CELF4: variants seen among roughly 807,000 people sequenced by gnomAD.
CELF4 encodes CUGBP Elav-like family member 4.
In CELF4, 18 loss-of-function variants were observed where a neutral mutation model predicts 59.9. The observed-to-expected ratio is 0.30, with a 90% CI of 0.21 to 0.45. The LOEUF is 0.45. Among genes scored for constraint, CELF4 ranks in the 20% least tolerant of loss-of-function variants. The pLI is 1.00. For missense variants in CELF4, 456 were observed against 689.0 expected (o/e 0.66, Z 3.79); for synonymous variants, 261 against 267.1 (o/e 0.98, Z 0.22).
chr18:37,353,032 T>G (rs375048232), intron 2 of CELF4, among the ~76,000 whole-genome samples: 1 of 151,896 alleles, frequency 6.6e-6, no homozygotes, highest in Non-Finnish European at 1.5e-5. Context: ...CCATCCTGGC[T>G]AACACGGTGA....
chr18:37,518,258 G>T (rs1027293875), intron 1 of CELF4, among the ~76,000 whole-genome samples: 1 of 152,148 alleles, frequency 6.6e-6, no homozygotes, highest in Non-Finnish European at 1.5e-5. Flanking sequence ...TAAGATAAAT[G>T]AAGAAGAGTT....
At chr18:37,522,448 G>A (rs1296499369) in intron 1 of CELF4, among the ~76,000 whole-genome samples, 1 of 152,068 alleles carries the variant, frequency 6.6e-6, no homozygotes, top group Non-Finnish European at 1.5e-5. Flanking sequence ...CTGTCTCTAA[G>A]GGGAAAATGT....
At chr18:37,266,944 G>C (rs369621417) in intron 8 of CELF4, among the ~76,000 whole-genome samples, 3 of 151,992 alleles carry the variant, frequency 2.0e-5, no homozygotes, top group African/African-American at 7.2e-5. Flanking sequence ...TGGTGGGGGG[G>C]GACACACAAG....
chr18:37,485,686 A>G (rs2099879743), intron 1 of CELF4, 79 bp from the exon 2 acceptor site: 4 of 904,236 alleles, frequency 4.4e-6, no homozygotes, highest in East Asian at 6.8e-5. Context: ...CCCGCCCTCC[A>G]GGCTCCCGCC....
intron 3 of CELF4, among the ~76,000 whole-genome samples, chr18:37,315,287 G>C (rs903570402): frequency 6.6e-6 from 1 of 152,150 alleles, no homozygotes; most frequent in Non-Finnish European, 1.5e-5. Context: ...GACAGACAGA[G>C]ACAGAGGCAG....
intron 1 of CELF4, among the ~76,000 whole-genome samples, chr18:37,505,641 G>T (rs1270723959): frequency 1.3e-5 from 2 of 152,130 alleles, no homozygotes; most frequent in African/African-American, 4.8e-5. Context: ...AGGGGAGCAG[G>T]GTGGTTAGAG....
chr18:37,362,504 G>A lies in CELF4; in HGVS notation c.370-40623C>T, dbSNP rs755453606. The stretch of plus-strand genomic sequence containing the variant: ...GACGAGGACAGGGTTGGGGGGCTGG[G>A]GCACGGGCTGGGTGTGGTCAGAGAG... On this transcript the variant is annotated intron_variant, in intron 2 of 12. Coordinates refer to ENST00000420428, the MANE Select transcript of CELF4 (RefSeq NM_020180.4). Among the ~76,000 whole-genome samples the A allele has an allele frequency of 3.6e-4, 55 of 152,238 alleles. 1 individual carries two copies. The Middle Eastern group carries it at 0.02, about 56-fold the overall frequency.
chr18:37,533,879 G>A (rs983535382), intron 1 of CELF4, among the ~76,000 whole-genome samples: 5 of 152,188 alleles, frequency 3.3e-5, no homozygotes, highest in African/African-American at 1.2e-4. Context: ...TCATCTCCAC[G>A]TCAGGGGAAA....
chr18:37,257,838 G>A (rs565370129), intron 11 of CELF4, among the ~76,000 whole-genome samples: 15 of 152,098 alleles, frequency 9.9e-5, no homozygotes, highest in Non-Finnish European at 1.5e-4. Context: ...CATGACTTAC[G>A]AAAGGGTCTG....
intron 1 of CELF4, among the ~76,000 whole-genome samples, chr18:37,534,113 T>C (rs1187366401): frequency 6.6e-6 from 1 of 152,250 alleles, no homozygotes; most frequent in South Asian, 2.1e-4. Flanking sequence ...ATTTGCCTTA[T>C]GGCATCAGAG....
At chr18:37,341,926 A>T (rs2098058722) in intron 2 of CELF4, among the ~76,000 whole-genome samples, 2 of 152,000 alleles carry the variant, frequency 1.3e-5, no homozygotes, top group Non-Finnish European at 2.9e-5. Context: ...TCTCTGACTC[A>T]TCTGGGTCTC....
chr18:37,421,316 C>G (rs900609117), intron 2 of CELF4, among the ~76,000 whole-genome samples: 2 of 152,230 alleles, frequency 1.3e-5, no homozygotes, highest in African/African-American at 2.4e-5. Flanking sequence ...TCCTACTCAG[C>G]TGCCTTCTCT....
intron 1 of CELF4, among the ~76,000 whole-genome samples, chr18:37,547,117 T>A (rs1358010525): frequency 6.6e-6 from 1 of 151,882 alleles, no homozygotes; most frequent in Non-Finnish European, 1.5e-5. Flanking sequence ...GCGAACTCCT[T>A]ACAACAATTA....
At chr18:37,526,576 A>C (rs1250489034) in intron 1 of CELF4, among the ~76,000 whole-genome samples, 2 of 152,208 alleles carry the variant, frequency 1.3e-5, no homozygotes, top group Non-Finnish European at 2.9e-5. Context: ...CCTGTGTCAA[A>C]GTAGGATAAT....
Position 37,476,218 on chromosome 18 carries a change from G to A in CELF4, c.369+9307C>T, listed in dbSNP as rs189826843. Reference sequence around the variant, plus strand: ...TGGAAAGGTTGGGTGGATGCCCCAAGTTGGTTGGTGTCCTCTGCACAGGCT... The same window carrying A: ...TGGAAAGGTTGGGTGGATGCCCCAAATTGGTTGGTGTCCTCTGCACAGGCT... On this transcript the variant is annotated intron_variant, in intron 2 of 12. Coordinates refer to ENST00000420428, the MANE Select transcript of CELF4 (RefSeq NM_020180.4). 4.5e-3 allele frequency among the ~76,000 whole-genome samples: 679 copies of A among 152,370 alleles called. 6 individuals carry two copies. The highest frequency in any genetic ancestry group is 0.015 in the African/African-American group (628 of 41,600).
chr18:37,357,858 T>G (rs1172939419), intron 2 of CELF4, among the ~76,000 whole-genome samples: 2 of 152,208 alleles, frequency 1.3e-5, no homozygotes, highest in Non-Finnish European at 2.9e-5. Flanking sequence ...GATTTCGGAC[T>G]TGTGTGGGGC....
At chr18:37,414,107 G>T (rs1429684792) in intron 2 of CELF4, among the ~76,000 whole-genome samples, 1 of 152,146 alleles carries the variant, frequency 6.6e-6, no homozygotes, top group Non-Finnish European at 1.5e-5. Context: ...AACCATGAAG[G>T]CAGGGCAGGG....
At chr18:37,533,452 C>T (rs1158402149) in intron 1 of CELF4, among the ~76,000 whole-genome samples, 1 of 152,092 alleles carries the variant, frequency 6.6e-6, no homozygotes, top group Non-Finnish European at 1.5e-5. Context: ...TGAGTGGGGG[C>T]CCTTCTGATT....
At chr18:37,564,842 C>G (rs1200137019) in intron 1 of CELF4, among the ~76,000 whole-genome samples, 2 of 152,068 alleles carry the variant, frequency 1.3e-5, no homozygotes, top group African/African-American at 4.8e-5. Flanking sequence ...AAAAATTTCT[C>G]TTTGAATTTG....
Sources: allele counts gnomAD v4.1 joint callset (sites outside exome capture counted in the v4.1 genomes callset), GRCh38; gene constraint gnomAD v4.1.1; transcripts MANE v1.5; gene names NCBI Gene and HGNC (gene_info 2026-07-23, HGNC 2026-07-21).